The following FAM20C variants were observed in gnomAD, a reference collection of about 807,000 sequenced individuals.
The protein encoded by FAM20C is extracellular serine/threonine protein kinase FAM20C.
A neutral mutation model predicts 51.5 loss-of-function variants in FAM20C; 40 were observed. The ratio of observed to expected loss-of-function variants is 0.78; its 90% CI spans 0.60 to 1.01. The LOEUF is 1.01. Among genes scored for constraint, FAM20C ranks in the 50% least tolerant of loss-of-function variants. The pLI is 0.00. For missense variants in FAM20C, 861 were observed against 844.7 expected (o/e 1.02, Z -0.24); for synonymous variants, 406 against 380.6 (o/e 1.07, Z -0.78).
At chr7:240,522 G>A (rs1787910929) in intron 3 of FAM20C, among the ~76,000 whole-genome samples, 2 of 151,824 alleles carry the variant, frequency 1.3e-5, no homozygotes, top group South Asian at 2.1e-4. Flanking sequence ...TGATGTGGAG[G>A]TGATGGTGGT....
intron 3 of FAM20C, among the ~76,000 whole-genome samples, chr7:241,371 C>T (rs1280799190): frequency 6.6e-6 from 1 of 152,156 alleles, no homozygotes; most frequent in African/African-American, 2.4e-5. Context: ...GTCAGCAAGT[C>T]GTTCGTCTTC....
At chr7:213,469 C>G (rs1277480544) in intron 3 of FAM20C, among the ~76,000 whole-genome samples, 1 of 152,250 alleles carries the variant, frequency 6.6e-6, no homozygotes, top group Non-Finnish European at 1.5e-5. Flanking sequence ...GTGACTGACA[C>G]GTGGTTCCAA....
chr7:247,718 G>C (rs745648592), intron 4 of FAM20C, among the ~76,000 whole-genome samples: 10 of 152,160 alleles, frequency 6.6e-5, no homozygotes, highest in Non-Finnish European at 1.5e-4. Context: ...AGCCCCCCTC[G>C]GGTCCACCTG....
intron 5 of FAM20C, among the ~76,000 whole-genome samples, chr7:250,566 T>TC: frequency 6.6e-6 from 1 of 152,202 alleles, no homozygotes; most frequent in Admixed American, 6.5e-5. Context: ...GCTTGAGCTG[T>TC]CCATCTTTTT....
intron 3 of FAM20C, among the ~76,000 whole-genome samples, chr7:234,176 C>A (rs1043097935): frequency 5.3e-5 from 8 of 152,360 alleles, no homozygotes; most frequent in African/African-American, 1.2e-4. Flanking sequence ...AGCACGAGAG[C>A]CTTCCCGGGC....
intron 4 of FAM20C, among the ~76,000 whole-genome samples, chr7:247,904 G>A (rs1034846729): frequency 6.6e-6 from 1 of 152,266 alleles, no homozygotes; most frequent in African/African-American, 2.4e-5. Flanking sequence ...CACGTCCTCC[G>A]TCAGCAAGAA....
intron 3 of FAM20C, among the ~76,000 whole-genome samples, chr7:216,685 G>GTA (rs1786996637): frequency 1.5e-5 from 2 of 137,456 alleles, no homozygotes; most frequent in African/African-American, 6.1e-5. Context: ...GTGTGTGAGA[G>GTA]TGTGTGTGTG....
At chr7:201,483 C>T (rs891685973) in intron 2 of FAM20C, among the ~76,000 whole-genome samples, 6 of 152,172 alleles carry the variant, frequency 3.9e-5, no homozygotes, top group Admixed American at 1.3e-4. Flanking sequence ...GAGCACCCTG[C>T]GGGGTGTTGG....
rs568534039 is a variant in FAM20C, at chr7:256,699, G to A, written c.1299G>A (p.Pro433=). 9.2e-5 allele frequency: 142 copies of A among 1,536,114 alleles called. 1 individual carries two copies. The highest frequency in any genetic ancestry group is 8.2e-4 in the African/African-American group (60 of 73,182). The part of the protein sequence containing the change: ...PDYCEEVKQT[P]PYDSSHRILD... ...ACTGCGAGGAGGTGAAGCAGACACC[G>A]CCCTACGACAGCAGCCACCGCATCC... is the stretch of plus-strand genomic sequence containing the variant. Residue 433 remains proline (P), a synonymous_variant, in exon 7 of 10, where the codon CCG becomes CCA. Coordinates refer to ENST00000313766, the MANE Select transcript of FAM20C (RefSeq NM_020223.4).
At position 228,595 on chromosome 7, in the gene FAM20C, G is replaced by A. The variant is rs748249438; in HGVS notation, c.864-17820G>A. On this transcript the variant is annotated intron_variant, in intron 3 of 9. Transcript: ENST00000313766. Reference sequence around the variant, plus strand: ...CCCCCAGCTCTCCTCTGAGGGCAGCGTTTCCACAGAGCCGGTGTGAGCCAG... The same window carrying A: ...CCCCCAGCTCTCCTCTGAGGGCAGCATTTCCACAGAGCCGGTGTGAGCCAG... 2.3e-4 allele frequency: 106 copies of A among 456,278 alleles called. 1 individual carries two copies. Among genetic ancestry groups the A allele is most frequent in the African/African-American group, 1.7e-3 (85 of 50,188 alleles). 28.3% of individuals were successfully genotyped at this position (456,278 alleles called of 1,614,324 possible).
intron 3 of FAM20C, among the ~76,000 whole-genome samples, chr7:213,135 G>A (rs986490729): frequency 3.0e-5 from 2 of 66,656 alleles, no homozygotes; most frequent in African/African-American, 1.3e-4. Context: ...CTTTGTGAGT[G>A]ACATGGAGGG....
At chr7:256,454 C>T in intron 6 of FAM20C, 200 bp from the exon 7 acceptor site, 1 of 596,314 alleles carries the variant, frequency 1.7e-6, no homozygotes, top group South Asian at 2.0e-5. Flanking sequence ...CAGGTGGGGT[C>T]ACCCCGAGGC....
chr7:247,812 T>A (rs1184023156), intron 4 of FAM20C, among the ~76,000 whole-genome samples: 1 of 152,170 alleles, frequency 6.6e-6, no homozygotes, highest in Non-Finnish European at 1.5e-5. Context: ...AGAGGCGTGG[T>A]CGGGCCTTGG....
chr7:231,621 G>A (rs1230988027), intron 3 of FAM20C, among the ~76,000 whole-genome samples: 1 of 152,284 alleles, frequency 6.6e-6, no homozygotes, highest in Non-Finnish European at 1.5e-5. Context: ...GTAAGCCCAA[G>A]TGTGGTCAGG....
At chr7:196,159 G>A (rs779733619) in intron 2 of FAM20C, among the ~76,000 whole-genome samples, 1 of 152,220 alleles carries the variant, frequency 6.6e-6, no homozygotes, top group African/African-American at 2.4e-5. Flanking sequence ...AGACAGCCAT[G>A]AGCCTGCTTC....
chr7:216,191 G>A (rs1260531331), intron 3 of FAM20C, among the ~76,000 whole-genome samples: 3 of 1,502 alleles, frequency 2.0e-3, no homozygotes, highest in Admixed American at 3.2e-3. Flanking sequence ...GAGCTGGGTG[G>A]GGGGAGCAGG....
At position 230,372 on chromosome 7, in the gene FAM20C, T is replaced by TTG. The variant is rs770436412; in HGVS notation, c.864-16043_864-16042insTG. 7.5e-3 allele frequency among the ~76,000 whole-genome samples: 56 copies of TTG among 7,482 alleles called. 1 individual carries two copies. The highest frequency in any genetic ancestry group is 0.024 in the African/African-American group (48 of 2,042). 4.9% of individuals were successfully genotyped at this position (7,482 alleles called of 152,430 possible). On this transcript the variant is annotated intron_variant, in intron 3 of 9. Coordinates refer to ENST00000313766, the MANE Select transcript of FAM20C (RefSeq NM_020223.4). Reference sequence around the variant, plus strand: ...TGCATTTCTTGTCCCCAGGACGGGGTGGGGGGGGGGGGGAACAGATCCCCG... The same window carrying TTG: ...TGCATTTCTTGTCCCCAGGACGGGGTTGGGGGGGGGGGGGGAACAGATCCCCG...
intron 2 of FAM20C, among the ~76,000 whole-genome samples, chr7:208,463 T>G (rs1786544308): frequency 7.1e-6 from 1 of 140,412 alleles, no homozygotes. Context: ...TGGCCGTCCC[T>G]TCTAGGAGTC....
At chr7:258,180 GA>G (rs1424899243) in intron 8 of FAM20C, among the ~76,000 whole-genome samples, 13 of 115,940 alleles carry the variant, frequency 1.1e-4, no homozygotes, top group African/African-American at 1.7e-4. Flanking sequence ...CCCACTGCCT[GA>G]GGTGCTGGAG....
Sources: allele counts gnomAD v4.1 joint callset (sites outside exome capture counted in the v4.1 genomes callset), GRCh38; gene constraint gnomAD v4.1.1; transcripts MANE v1.5; gene names NCBI Gene and HGNC (gene_info 2026-07-23, HGNC 2026-07-21).